EEFSEC: variants seen among roughly 807,000 people sequenced by gnomAD.
The protein encoded by EEFSEC is selenocysteine-specific elongation factor.
EEFSEC carries 43 observed loss-of-function variants against 42.1 expected under a neutral mutation model. The observed-to-expected ratio is 1.02, with a 90% confidence interval of 0.80 to 1.32. The LOEUF is 1.32. Among genes scored for constraint, EEFSEC ranks in the 40% most tolerant of loss-of-function variants. The pLI, the probability that EEFSEC is intolerant of heterozygous loss-of-function variation, is 0.00. For synonymous variants in EEFSEC, 354 were observed against 339.1 expected (o/e 1.04, Z -0.48); for missense variants, 745 against 803.6 (o/e 0.93, Z 0.88).
chr3:128,185,697 G>A (rs1203288207), intron 1 of EEFSEC, among the ~76,000 whole-genome samples: 1 of 152,150 alleles, frequency 6.6e-6, no homozygotes, highest in Non-Finnish European at 1.5e-5. Context: ...AAAGTGCTAC[G>A]ATTACAGGTG....
rs537912300 is a variant in EEFSEC, at chr3:128,204,736, G to A, written c.317-42100G>A. On this transcript the variant is annotated intron_variant, in intron 1 of 6. Transcript: ENST00000254730. Reference sequence around the variant, plus strand: ...CTCCTGGGATGCCGCCTTCCCCAGGGCATGGTAAGTGTGCTGAGCAGTCTG... The same window carrying A: ...CTCCTGGGATGCCGCCTTCCCCAGGACATGGTAAGTGTGCTGAGCAGTCTG... Among the ~76,000 whole-genome samples the A allele has an allele frequency of 3.5e-4, 54 of 152,218 alleles. No homozygotes were observed. In the Middle Eastern group the frequency reaches 0.014, roughly 38 times the overall value.
At chr3:128,273,164 G>C (rs2066432086) in intron 4 of EEFSEC, among the ~76,000 whole-genome samples, 1 of 152,184 alleles carries the variant, frequency 6.6e-6, no homozygotes, top group Non-Finnish European at 1.5e-5. Context: ...CAGAGACTTG[G>C]GGTGGGGTGG....
In EEFSEC at chr3:128,317,099, G is replaced by A. The variant is rs2066954664; in HGVS notation, c.787-24134G>A. Reference sequence around the variant, plus strand: ...GAAAGCAGAAAGAAAAATAGAAGACGTTCTGGCAGGCTGGGGGTTAGAGTT... The same window carrying A: ...GAAAGCAGAAAGAAAAATAGAAGACATTCTGGCAGGCTGGGGGTTAGAGTT... On this transcript the variant is annotated intron_variant, in intron 4 of 6. Coordinates refer to ENST00000254730, the MANE Select transcript of EEFSEC (RefSeq NM_021937.5). The surrounding 1 kb of genome is among the most constrained non-coding windows in gnomAD (Gnocchi z 4.1). Among the ~76,000 whole-genome samples, 1 of 152,168 alleles carries A rather than the reference G, an allele frequency of 6.6e-6. No homozygotes were observed.
At chr3:128,391,387 G>T (rs932935351) in intron 6 of EEFSEC, among the ~76,000 whole-genome samples, 9 of 152,256 alleles carry the variant, frequency 5.9e-5, no homozygotes, top group African/African-American at 2.2e-4. Flanking sequence ...GGTTGGGGTG[G>T]CCTCCCAGTT....
At chr3:128,161,651 C>G (rs1198148834) in intron 1 of EEFSEC, among the ~76,000 whole-genome samples, 1 of 152,188 alleles carries the variant, frequency 6.6e-6, no homozygotes, top group African/African-American at 2.4e-5. Flanking sequence ...AGAGAACATT[C>G]TTTGTAAAAC....
chr3:128,349,767 C>T (rs191518601), intron 5 of EEFSEC, among the ~76,000 whole-genome samples: 42 of 152,360 alleles, frequency 2.8e-4, no homozygotes, highest in Admixed American at 2.3e-3. Flanking sequence ...AGGACAAAGA[C>T]AATACCCAAC....
At chr3:128,276,872 G>A (rs1218188070) in intron 4 of EEFSEC, among the ~76,000 whole-genome samples, 1 of 152,194 alleles carries the variant, frequency 6.6e-6, no homozygotes, top group East Asian at 1.9e-4. Context: ...AGAAGAGTGT[G>A]GGAATGCTGG....
At position 128,317,228 on chromosome 3, in the gene EEFSEC, C is replaced by T. The variant is rs1214912724; in HGVS notation, c.787-24005C>T. On this transcript the variant is annotated intron_variant, in intron 4 of 6. Coordinates refer to ENST00000254730, the MANE Select transcript of EEFSEC (RefSeq NM_021937.5). The surrounding 1 kb of genome is among the most constrained non-coding windows in gnomAD (Gnocchi z 4.1). ...TGGCTGGGGGACGACAGCCAGCATT[C>T]CCAGGAGGTCTGTGGCTGTCTGCTG... Among the ~76,000 whole-genome samples, 1 of 152,162 alleles carries T rather than the reference C, an allele frequency of 6.6e-6. No homozygotes were observed. Among genetic ancestry groups the T allele is most frequent in the Non-Finnish European group, 1.5e-5 (1 of 68,026 alleles).
intron 4 of EEFSEC, among the ~76,000 whole-genome samples, chr3:128,306,821 G>C (rs1028204201): frequency 1.3e-5 from 2 of 152,186 alleles, no homozygotes; most frequent in Non-Finnish European, 2.9e-5. Context: ...CTTTTCCAAG[G>C]TCACTCAATT....
chr3:128,410,471 C>T (rs2068166151), downstream of EEFSEC, among the ~76,000 whole-genome samples: 1 of 152,134 alleles, frequency 6.6e-6, no homozygotes, highest in South Asian at 2.1e-4. Flanking sequence ...CCATGGGAGC[C>T]ATGGGAGCTG....
intron 5 of EEFSEC, among the ~76,000 whole-genome samples, chr3:128,352,652 A>C (rs2067402580): frequency 6.6e-6 from 1 of 152,212 alleles, no homozygotes; most frequent in African/African-American, 2.4e-5. Flanking sequence ...CAGGCCCTGC[A>C]TCTGCTGCCC....
At chr3:128,167,799 C>T (rs2065256191) in intron 1 of EEFSEC, among the ~76,000 whole-genome samples, 1 of 152,186 alleles carries the variant, frequency 6.6e-6, no homozygotes, top group Non-Finnish European at 1.5e-5. Flanking sequence ...AACATAGATC[C>T]CTCCCAGATC....
chr3:128,233,414 G>T (rs916733065), intron 1 of EEFSEC, among the ~76,000 whole-genome samples: 1 of 152,156 alleles, frequency 6.6e-6, no homozygotes, highest in African/African-American at 2.4e-5. Context: ...CATGAAGGTG[G>T]CTCATGGATG....
intron 2 of EEFSEC, among the ~76,000 whole-genome samples, chr3:128,253,437 C>T (rs1415266814): frequency 1.3e-5 from 2 of 152,142 alleles, no homozygotes; most frequent in Non-Finnish European, 2.9e-5. Flanking sequence ...GCTCCCTGGG[C>T]GAGTCATAGC....
chr3:128,298,591 G>A (rs929402168), intron 4 of EEFSEC, among the ~76,000 whole-genome samples: 7 of 152,144 alleles, frequency 4.6e-5, no homozygotes, highest in Admixed American at 2.0e-4. Context: ...TATATTAGGA[G>A]CATTCCAGTT....
At chr3:128,367,763 C>T in intron 6 of EEFSEC, 1 of 985,428 alleles carries the variant, frequency 1.0e-6, no homozygotes, top group Non-Finnish European at 1.2e-6. Flanking sequence ...CTGGCCATAT[C>T]ACTGGCTCCA....
intron 6 of EEFSEC, among the ~76,000 whole-genome samples, chr3:128,392,787 C>T (rs1161784812): frequency 2.0e-5 from 3 of 152,236 alleles, no homozygotes; most frequent in Admixed American, 6.5e-5. Flanking sequence ...CTGGGCCTGG[C>T]ACACACAGGC....
intron 4 of EEFSEC, among the ~76,000 whole-genome samples, chr3:128,332,445 G>A (rs2067144083): frequency 6.6e-6 from 1 of 152,204 alleles, no homozygotes; most frequent in South Asian, 2.1e-4. Context: ...AATCCAAAGT[G>A]CTCCATTGAG....
intron 1 of EEFSEC, among the ~76,000 whole-genome samples, chr3:128,229,766 C>T (rs1169068695): frequency 1.3e-5 from 2 of 152,166 alleles, no homozygotes; most frequent in African/African-American, 2.4e-5. Context: ...TTTGGCATCT[C>T]TTAAAAAATC....
Sources: allele counts gnomAD v4.1 joint callset (sites outside exome capture counted in the v4.1 genomes callset), GRCh38; gene constraint gnomAD v4.1.1; non-coding constraint Gnocchi (gnomAD v3.1); transcripts MANE v1.5; gene names NCBI Gene and HGNC (gene_info 2026-07-23, HGNC 2026-07-21).